TRIM27: variants seen among roughly 807,000 people sequenced by gnomAD.
The protein encoded by TRIM27 is tripartite motif containing 27, also known as zinc finger protein RFP.
Under a neutral mutation model 57.6 loss-of-function variants are expected in TRIM27, and 12 were observed. The ratio of observed to expected loss-of-function variants is 0.21; its 90% CI spans 0.13 to 0.34. The LOEUF (loss-of-function observed/expected upper bound fraction) is 0.34. Among genes scored for constraint, TRIM27 ranks in the 10% least tolerant of loss-of-function variants. The pLI, the probability that TRIM27 is intolerant of heterozygous loss-of-function variation, is 1.00. For synonymous variants in TRIM27, 266 were observed against 259.0 expected (o/e 1.03, Z -0.26); for missense variants, 403 against 656.8 (o/e 0.61, Z 4.22).
chr6:28,911,504 C>T, intron 4 of TRIM27, 192 bp downstream of exon 4: 2 of 588,628 alleles, frequency 3.4e-6, no homozygotes, highest in East Asian at 3.0e-5. Context: ...CATGAACCCC[C>T]TACTTCCTGA....
chr6:28,904,247 C>T lies in TRIM27; in HGVS notation c.1365G>A (p.Arg455=). The T allele has an allele frequency of 6.2e-7, 1 of 1,613,126 alleles. No homozygotes were observed. The highest frequency in any genetic ancestry group is 8.5e-7 in the Non-Finnish European group (1 of 1,180,036). The change falls in exon 8 of 8, where the codon AGG becomes AGA. Residue 455 remains arginine, a synonymous_variant. Transcript: ENST00000377199. The surrounding 1 kb of genome is among the most constrained non-coding windows in gnomAD (Gnocchi z 6.1). ...GEVSFYNVTE[R]CHTFTFSHAT... ...CATGAGAGAAAGTGAAGGTGTGACA[C>T]CTCTCTGTCACGTTGTAGAAGGAGA...
At chr6:28,905,548 ATTATTTTTTACTTTTTT>A (rs1772705689) in intron 7 of TRIM27, 1 of 152,130 alleles carries the variant, frequency 6.6e-6, no homozygotes, top group African/African-American at 2.4e-5. Flanking sequence ...CTCTTTTAAA[ATTATTTTTTACTTTTTT>A]TTATTTTTTG....
Position 28,904,676 on chromosome 6 carries a change from A to G in TRIM27, c.947-11T>C, listed in dbSNP as rs1018632286. The G allele has an allele frequency of 1.3e-6, 2 of 1,585,174 alleles. No homozygotes were observed. Among genetic ancestry groups the G allele is most frequent in the South Asian group, 1.1e-5 (1 of 90,318 alleles). On this transcript the variant is annotated splice_polypyrimidine_tract_variant and intron_variant, in intron 7 of 7. Coordinates refer to ENST00000377199, the MANE Select transcript of TRIM27 (RefSeq NM_006510.5). The surrounding 1 kb of genome is among the most constrained non-coding windows in gnomAD (Gnocchi z 6.1). ...CCAGAGTCACGTCCACTGTAGAGAC[A>G]CAAGGAAGACAGTCAGCCGTGGGCC...
At chr6:28,913,639 G>A (rs1773382950) in intron 3 of TRIM27, among the ~76,000 whole-genome samples, 1 of 152,082 alleles carries the variant, frequency 6.6e-6, no homozygotes, top group African/African-American at 2.4e-5. Flanking sequence ...ATTGTAACGA[G>A]TAAGAAATGG....
intron 2 of TRIM27, 24 bp from the exon 3 acceptor site, chr6:28,920,266 A>G: frequency 6.4e-7 from 1 of 1,554,264 alleles, no homozygotes; most frequent in Non-Finnish European, 8.7e-7. Flanking sequence ...AGGGAAAGGC[A>G]GTAAAGAGAA....
At chr6:28,907,158 A>G in intron 7 of TRIM27, 78 bp downstream of exon 7, 1 of 1,363,982 alleles carries the variant, frequency 7.3e-7, no homozygotes, top group Non-Finnish European at 1.0e-6. Flanking sequence ...AGCAATTTCC[A>G]AATCATTCAT....
intron 4 of TRIM27, among the ~76,000 whole-genome samples, chr6:28,910,917 A>T (rs1433425612): frequency 6.6e-6 from 1 of 152,128 alleles, no homozygotes; most frequent in Non-Finnish European, 1.5e-5. Flanking sequence ...CTCCCAGCCA[A>T]ACTGCCCCAT....
At chr6:28,909,974 C>A (rs1773058561) in intron 4 of TRIM27, among the ~76,000 whole-genome samples, 1 of 152,042 alleles carries the variant, frequency 6.6e-6, no homozygotes. Context: ...GAGAAATCTA[C>A]TTAAAAATGT....
At chr6:28,919,956 G>C in intron 3 of TRIM27, 56 bp downstream of exon 3, 1 of 1,532,352 alleles carries the variant, frequency 6.5e-7, no homozygotes, top group Non-Finnish European at 8.8e-7. Context: ...CTTGGCAAAG[G>C]AGAAGGGACG....
chr6:28,913,277 T>A, intron 3 of TRIM27, among the ~76,000 whole-genome samples: 1 of 146,868 alleles, frequency 6.8e-6, no homozygotes, highest in African/African-American at 2.5e-5. Flanking sequence ...AAAATATATA[T>A]ATATATATAT....
Position 28,921,991 on chromosome 6 carries a change from A to C in TRIM27, c.421-4T>G, listed in dbSNP as rs1774075808. The C allele has an allele frequency of 6.2e-7, 1 of 1,610,964 alleles. No homozygotes were observed. Among genetic ancestry groups the C allele is most frequent in the South Asian group, 1.1e-5 (1 of 91,046 alleles). The stretch of plus-strand genomic sequence containing the variant: ...CGAGCTGGTTCTGGATTTGCTCCTG[A>C]GAAAAGCAAAACAGATGGGCAGTTC... On this transcript the variant is annotated splice_polypyrimidine_tract_variant and splice_region_variant and intron_variant, in intron 1 of 7. Transcript: ENST00000377199.
At chr6:28,909,112 A>G in intron 4 of TRIM27, 24 bp from the exon 5 acceptor site, 1 of 1,262,592 alleles carries the variant, frequency 7.9e-7, no homozygotes, top group African/African-American at 1.5e-5. Context: ...ACATGAGTAA[A>G]TTTTTTTTTT....
chr6:28,918,284 T>C (rs1431782981), intron 3 of TRIM27, among the ~76,000 whole-genome samples: 1 of 152,196 alleles, frequency 6.6e-6, no homozygotes, highest in Non-Finnish European at 1.5e-5. Flanking sequence ...TCTAAGTATT[T>C]TATTACAACC....
intron 2 of TRIM27, among the ~76,000 whole-genome samples, chr6:28,920,583 T>C (rs1424950232): frequency 1.3e-5 from 2 of 152,156 alleles, no homozygotes; most frequent in East Asian, 1.9e-4. Flanking sequence ...ACAATGTTCA[T>C]GTGATGAACA....
Position 28,919,929 on chromosome 6 carries a change from G to C in TRIM27, c.747+83C>G, listed in dbSNP as rs9468444. Reference sequence around the variant, plus strand: ...TTCCTGCAGAGTTAAAAAGAAGACAGGGGGTCCTGGATACTACTTGGCAAA... The same window carrying C: ...TTCCTGCAGAGTTAAAAAGAAGACACGGGGTCCTGGATACTACTTGGCAAA... On this transcript the variant is annotated intron_variant, in intron 3 of 7. Transcript: ENST00000377199. The C allele has an allele frequency of 4.0e-3, 5,232 of 1,302,880 alleles. 144 individuals carry two copies. The African/African-American group carries it at 0.067, about 17-fold the overall frequency. The allele number at this position is 1,302,880 out of a possible 1,614,324, so 80.7% of individuals were successfully genotyped here. A position where few individuals can be genotyped will look rare whatever the true frequency, so the allele number is the denominator to read the frequency against.
chr6:28,923,055 T>C (rs892671262), intron 1 of TRIM27, among the ~76,000 whole-genome samples, 158 bp downstream of exon 1: 6 of 152,148 alleles, frequency 3.9e-5, no homozygotes, highest in African/African-American at 1.4e-4. Context: ...TTCCTCCAAA[T>C]CTGAGTGCTG....
chr6:28,923,134 CG>C (rs1347166842), intron 1 of TRIM27, 78 bp downstream of exon 1: 1 of 1,418,876 alleles, frequency 7.0e-7, no homozygotes, highest in Non-Finnish European at 9.3e-7. Context: ...ATTTTCTAGG[CG>C]GAAAAAAGGA....
intron 7 of TRIM27, chr6:28,905,744 G>A (rs774759176): frequency 9.2e-5 from 14 of 152,130 alleles, no homozygotes; most frequent in Admixed American, 3.9e-4. Context: ...TCTGCACATC[G>A]AAGCTCTATT....
chr6:28,908,358 T>C (rs564130828), intron 6 of TRIM27: 1 of 166,784 alleles, frequency 6.0e-6, no homozygotes, highest in Middle Eastern at 2.9e-3. Context: ...GACTCCTGAC[T>C]GCCCGCTCCT....
Sources: allele counts gnomAD v4.1 joint callset (sites outside exome capture counted in the v4.1 genomes callset), GRCh38; gene constraint gnomAD v4.1.1; non-coding constraint Gnocchi (gnomAD v3.1); transcripts MANE v1.5; gene names NCBI Gene and HGNC (gene_info 2026-07-23, HGNC 2026-07-21).